DPP10: variants seen among roughly 807,000 people sequenced by gnomAD.
DPP10 encodes dipeptidyl peptidase like 10.
A neutral mutation model predicts 120.9 loss-of-function variants in DPP10; 33 were observed. That is an observed-to-expected ratio of 0.27 (90% CI 0.21 to 0.37). The LOEUF (loss-of-function observed/expected upper bound fraction) is 0.37. DPP10 is among the 10% of genes least tolerant of loss of function. The pLI is 1.00. For missense variants in DPP10, 816 were observed against 942.8 expected, an observed-to-expected ratio of 0.87 and a Z score of 1.76; for synonymous variants, 337 against 326.1, an observed-to-expected ratio of 1.03 and a Z score of -0.36.
chr2:114,627,012 T>A (rs1315431912), intron 1 of DPP10, among the ~76,000 whole-genome samples: 1 of 152,072 alleles, frequency 6.6e-6, no homozygotes, highest in Non-Finnish European at 1.5e-5. Flanking sequence ...TAGGCAGTTT[T>A]CCCTTTTCTT....
chr2:114,864,305 C>G (rs544223031), intron 1 of DPP10, among the ~76,000 whole-genome samples: 4 of 152,168 alleles, frequency 2.6e-5, no homozygotes, highest in Non-Finnish European at 4.4e-5. Context: ...TATCCAGGCA[C>G]TGCTCCAGCT....
At chr2:114,543,491 C>T (rs538869721) in intron 1 of DPP10, among the ~76,000 whole-genome samples, 2 of 152,320 alleles carry the variant, frequency 1.3e-5, no homozygotes, top group East Asian at 3.9e-4. Flanking sequence ...ACTGTCTTCT[C>T]CTTTCCTGCG....
chr2:114,539,125 T>C (rs912126112), intron 1 of DPP10, among the ~76,000 whole-genome samples: 1 of 149,428 alleles, frequency 6.7e-6, no homozygotes. Flanking sequence ...AATTGTATTT[T>C]ATATATATAA....
intron 1 of DPP10, among the ~76,000 whole-genome samples, chr2:114,577,133 C>G (rs1375468994): frequency 6.6e-6 from 1 of 152,206 alleles, no homozygotes; most frequent in Non-Finnish European, 1.5e-5. Context: ...TGTATGTTTT[C>G]TCCCTCATCT....
chr2:114,918,509 A>G (rs531859631), intron 1 of DPP10, among the ~76,000 whole-genome samples: 1 of 152,302 alleles, frequency 6.6e-6, no homozygotes, highest in East Asian at 1.9e-4. Flanking sequence ...TATCCATTGC[A>G]GCACCTTTCA....
intron 5 of DPP10, among the ~76,000 whole-genome samples, chr2:115,575,219 T>C (rs1233142480): frequency 6.6e-6 from 1 of 152,218 alleles, no homozygotes; most frequent in Non-Finnish European, 1.5e-5. Context: ...ATCAAACTGT[T>C]CATAGTCAGA....
chr2:114,942,298 C>CATATATATATAT lies in DPP10; in HGVS notation c.61-366929_61-366918dup, dbSNP rs752991108. ...AAAAAAAAAAATGTGTATATATATACATATATATATATATATATATATACA... is the reference window on the plus strand; with the variant it reads ...AAAAAAAAAAATGTGTATATATATACATATATATATATATATATATATATATATATATATACA... On this transcript the variant is annotated intron_variant, in intron 1 of 25. Transcript: ENST00000410059. Among the ~76,000 whole-genome samples the CATATATATATAT allele has an allele frequency of 4.6e-4, 48 of 104,676 alleles. 2 individuals carry two copies. Among genetic ancestry groups the CATATATATATAT allele is most frequent in the African/African-American group, 1.8e-3 (45 of 25,258 alleles). 68.7% of individuals were successfully genotyped at this position (104,676 alleles called of 152,430 possible).
chr2:115,753,651 C>G (rs902067894), intron 11 of DPP10, among the ~76,000 whole-genome samples: 2 of 152,076 alleles, frequency 1.3e-5, no homozygotes, highest in African/African-American at 4.8e-5. Flanking sequence ...TCTTTCCTAT[C>G]TTCTTTAAAC....
chr2:115,031,674 T>C (rs1187834093), intron 1 of DPP10, among the ~76,000 whole-genome samples: 4 of 152,192 alleles, frequency 2.6e-5, no homozygotes, highest in Non-Finnish European at 5.9e-5. Flanking sequence ...AGGTAAATCT[T>C]TAAAACACCT....
intron 5 of DPP10, among the ~76,000 whole-genome samples, chr2:115,629,458 C>G (rs1558948682): frequency 6.6e-6 from 1 of 152,106 alleles, no homozygotes; most frequent in Non-Finnish European, 1.5e-5. Flanking sequence ...CCTATTTCTC[C>G]ACATCCTCCC....
At chr2:114,869,679 C>T (rs1690531676) in intron 1 of DPP10, among the ~76,000 whole-genome samples, 1 of 152,138 alleles carries the variant, frequency 6.6e-6, no homozygotes, top group South Asian at 2.1e-4. Context: ...TAGTTCCTCC[C>T]TATCTCAGGG....
chr2:115,243,897 T>G (rs1229547647), intron 1 of DPP10, among the ~76,000 whole-genome samples: 3 of 151,832 alleles, frequency 2.0e-5, no homozygotes, highest in Non-Finnish European at 2.9e-5. Context: ...GTTAAATATA[T>G]GGACTAAAAT....
intron 1 of DPP10, among the ~76,000 whole-genome samples, chr2:114,537,958 G>A (rs763145343): frequency 6.6e-6 from 1 of 152,176 alleles, no homozygotes; most frequent in Non-Finnish European, 1.5e-5. Flanking sequence ...AGATTTGCCT[G>A]GCAGTTCTCT....
In DPP10 at chr2:115,765,126, C is replaced by T. The variant is rs111635697; in HGVS notation, c.1113+2516C>T. 4.8e-3 allele frequency among the ~76,000 whole-genome samples: 728 copies of T among 152,156 alleles called. 3 individuals carry two copies. The highest frequency in any genetic ancestry group is 0.012 in the African/African-American group (497 of 41,532). On this transcript the variant is annotated intron_variant, in intron 12 of 25. Transcript: ENST00000410059. ...CTGAATGTTTATCACCAGACATTGTCAAGTGTTGGGGGCAGATTTTTTAGT... is the reference window on the plus strand; with the variant it reads ...CTGAATGTTTATCACCAGACATTGTTAAGTGTTGGGGGCAGATTTTTTAGT...
At chr2:114,575,509 C>T (rs1689981872) in intron 1 of DPP10, among the ~76,000 whole-genome samples, 1 of 152,102 alleles carries the variant, frequency 6.6e-6, no homozygotes, top group Non-Finnish European at 1.5e-5. Flanking sequence ...CTAGTCTTTT[C>T]CACTATAGTA....
At chr2:115,402,854 A>AATATATATATATATATATATAT (rs757052503) in intron 3 of DPP10, among the ~76,000 whole-genome samples, 1 of 97,664 alleles carries the variant, frequency 1.0e-5, no homozygotes, top group African/African-American at 3.9e-5. Context: ...AAAAAAAAAA[A>AATATATATATATATATATATAT]ATATATATAT....
At chr2:115,627,640 A>T (rs971206251) in intron 5 of DPP10, among the ~76,000 whole-genome samples, 22 of 152,094 alleles carry the variant, frequency 1.4e-4, no homozygotes, top group African/African-American at 5.3e-4. Flanking sequence ...ATAGGTATTA[A>T]GTCCTGTAAG....
intron 1 of DPP10, among the ~76,000 whole-genome samples, chr2:114,625,951 T>C (rs1694475320): frequency 6.6e-6 from 1 of 151,824 alleles, no homozygotes; most frequent in Admixed American, 6.6e-5. Context: ...GCTATTGGGT[T>C]GTTCATTATT....
At chr2:115,538,731 A>C (rs1055881659) in intron 5 of DPP10, among the ~76,000 whole-genome samples, 9 of 151,980 alleles carry the variant, frequency 5.9e-5, no homozygotes, top group African/African-American at 1.2e-4. Context: ...AACACTGATA[A>C]ATTTTTAGGT....
Sources: gnomAD v4.1 joint callset for allele counts (sites outside exome capture counted in the v4.1 genomes callset) on GRCh38, gnomAD v4.1.1 for gene constraint, MANE v1.5 for transcripts, NCBI Gene and HGNC (gene_info 2026-07-23, HGNC 2026-07-21) for gene names.